CATSPERE: variants seen among roughly 807,000 people sequenced by gnomAD.
CATSPERE encodes cation channel sperm-associated auxiliary subunit epsilon.
Under a neutral mutation model 114.1 loss-of-function variants are expected in CATSPERE, and 93 were observed. The ratio of observed to expected loss-of-function variants is 0.81; its 90% confidence interval spans 0.69 to 0.97. The LOEUF is 0.97. Ranked by LOEUF, CATSPERE falls within the 50% of genes least tolerant of loss-of-function variation. The pLI is 0.00. For missense variants in CATSPERE, 1,058 were observed against 1,131.6 expected, an observed-to-expected ratio of 0.93 and a Z score of 0.93; for synonymous variants, 341 against 384.1, an observed-to-expected ratio of 0.89 and a Z score of 1.31.
At chr1:244,470,312 A>G (rs1445418920) in intron 2 of CATSPERE, among the ~76,000 whole-genome samples, 1 of 152,232 alleles carries the variant, frequency 6.6e-6, no homozygotes, top group East Asian at 1.9e-4. Context: ...TAGATATATA[A>G]AGAACTACTA....
intron 2 of CATSPERE, among the ~76,000 whole-genome samples, chr1:244,468,519 C>T (rs3003207): frequency 0.41 from 62,502 of 151,960 alleles, 13,408 homozygotes; most frequent in East Asian, 0.73. Flanking sequence ...TTTAGAAATG[C>T]AAATTGGACC....
intron 1 of CATSPERE, among the ~76,000 whole-genome samples, 199 bp downstream of exon 1, chr1:244,461,693 G>A (rs954832317): frequency 6.6e-6 from 1 of 152,134 alleles, no homozygotes. Context: ...GAGAGGGGAC[G>A]CAGTTAGCAC....
chr1:244,499,668 T>C (rs894283083), intron 7 of CATSPERE, among the ~76,000 whole-genome samples: 6 of 152,182 alleles, frequency 3.9e-5, no homozygotes, highest in Admixed American at 3.3e-4. Flanking sequence ...GCAAAGGACA[T>C]GAACTCATCC....
chr1:244,598,597 GC>G, intron 17 of CATSPERE: 1 of 351,688 alleles, frequency 2.8e-6, no homozygotes, highest in South Asian at 2.4e-5. Context: ...TGGAGATTGG[GC>G]CCAGTCTTAT....
intron 12 of CATSPERE, among the ~76,000 whole-genome samples, chr1:244,583,392 A>G (rs6429482): frequency 0.19 from 28,358 of 152,066 alleles, 3,846 homozygotes; most frequent in East Asian, 0.41. Flanking sequence ...ATATTAGACC[A>G]TTTAATGTGG....
Position 244,552,583 on chromosome 1 carries a change from C to T in CATSPERE, c.798C>T (p.Phe266=). The T allele has an allele frequency of 6.2e-7, 1 of 1,614,134 alleles. No homozygotes were observed. Among genetic ancestry groups the T allele is most frequent in the Non-Finnish European group, 8.5e-7 (1 of 1,180,026 alleles). ...AGACCTTTCACACAACTGATTCATT[C>T]AAATCTTGGACCAGAATCAGAGTGC... is the stretch of plus-strand genomic sequence containing the variant. ...DMETFHTTDS[F]KSWTRIRVPP... The change falls in exon 9 of 22, where the codon TTC becomes TTT. Residue 266 remains phenylalanine, a synonymous_variant. Transcript: ENST00000366534.
chr1:244,526,484 T>C (rs1678624252), intron 8 of CATSPERE, among the ~76,000 whole-genome samples: 1 of 151,842 alleles, frequency 6.6e-6, no homozygotes, highest in African/African-American at 2.4e-5. Flanking sequence ...GTGGGTTATA[T>C]GGCCAATTCT....
rs149597963 is a variant in CATSPERE at position 244,611,590 on chromosome 1, G to A, written c.2490+1264G>A. ...AGCCAGGGTGACACAGTGAGACCTT[G>A]TCTCAAAAAAGAAAAAAAAATCAAA... On this transcript the variant is annotated intron_variant, in intron 19 of 21. Coordinates refer to ENST00000366534, the MANE Select transcript of CATSPERE (RefSeq NM_001130957.2). Among the ~76,000 whole-genome samples, 45 of 151,768 alleles carry A rather than the reference G, an allele frequency of 3.0e-4. 1 individual carries two copies. The highest frequency in any genetic ancestry group is 1.1e-3 in the African/African-American group (44 of 41,356).
intron 5 of CATSPERE, among the ~76,000 whole-genome samples, chr1:244,488,679 C>G (rs561394148): frequency 5.3e-5 from 8 of 152,306 alleles, no homozygotes; most frequent in African/African-American, 1.7e-4. Context: ...TCCAGATACG[C>G]TGGTAACTCA....
intron 13 of CATSPERE, 105 bp downstream of exon 13, chr1:244,584,044 C>T: frequency 1.3e-6 from 1 of 778,858 alleles, no homozygotes; most frequent in Non-Finnish European, 2.1e-6. Flanking sequence ...CATGCAATAC[C>T]TCCATACAAT....
At chr1:244,560,559 A>G in intron 9 of CATSPERE, 109 bp from the exon 10 acceptor site, 1 of 616,966 alleles carries the variant, frequency 1.6e-6, no homozygotes, top group East Asian at 3.4e-5. Context: ...AACCTATTGA[A>G]AGAAAATTTA....
At position 244,504,378 on chromosome 1, in the gene CATSPERE, C is replaced by T. The variant is rs924668805; in HGVS notation, c.429+5299C>T. Among the ~76,000 whole-genome samples, 3 of 152,140 alleles carry T rather than the reference C, an allele frequency of 2.0e-5. No homozygotes were observed. The highest frequency in any genetic ancestry group is 2.0e-4 in the Admixed American group (3 of 15,266). On this transcript the variant is annotated intron_variant, in intron 7 of 21. Transcript: ENST00000366534. This position sits in a 1 kb window ranked among gnomAD's most constrained non-coding sequence, Gnocchi z 4.1. ...ACAAGGAGTTCCTGTTTATCCCACA[C>T]CTAGTTTTCTCTATTATTAATATCT... is the stretch of plus-strand genomic sequence containing the variant.
At chr1:244,462,368 A>G (rs1361920060) in intron 1 of CATSPERE, among the ~76,000 whole-genome samples, 1 of 152,202 alleles carries the variant, frequency 6.6e-6, no homozygotes. Flanking sequence ...GTTATCTGGG[A>G]CTAAATTAAT....
At chr1:244,494,464 AG>A (rs1265271547) in intron 6 of CATSPERE, among the ~76,000 whole-genome samples, 1 of 72,152 alleles carries the variant, frequency 1.4e-5, no homozygotes, top group Non-Finnish European at 2.5e-5. Flanking sequence ...GGGTGGGGGG[AG>A]GGGGGAGGGA....
chr1:244,539,892 C>T (rs898630675), intron 8 of CATSPERE, among the ~76,000 whole-genome samples: 55 of 149,834 alleles, frequency 3.7e-4, no homozygotes, highest in African/African-American at 1.3e-3. Flanking sequence ...TGCTAGTGGT[C>T]TATCAATTTT....
In CATSPERE at chr1:244,482,517, G is replaced by A. The variant is rs181051514; in HGVS notation, c.326+2733G>A. 1.5e-3 allele frequency among the ~76,000 whole-genome samples: 223 copies of A among 151,944 alleles called. 1 individual carries two copies. Among genetic ancestry groups the A allele is most frequent in the African/African-American group, 4.9e-3 (203 of 41,410 alleles). On this transcript the variant is annotated intron_variant, in intron 5 of 21. Transcript: ENST00000366534. ...CTTGTGAGGCTGAGGTAGGAGGTTC[G>A]CTTGAGCCCAGGAGTTTAAAGCTAC...
At chr1:244,459,903 C>T (rs1446448542), upstream of CATSPERE, among the ~76,000 whole-genome samples, 1 of 152,230 alleles carries the variant, frequency 6.6e-6, no homozygotes, top group Non-Finnish European at 1.5e-5. Flanking sequence ...CCACTCTTCT[C>T]ACCTTGGGGT....
At chr1:244,528,460 A>T (rs1679020150) in intron 8 of CATSPERE, among the ~76,000 whole-genome samples, 1 of 152,178 alleles carries the variant, frequency 6.6e-6, no homozygotes, top group Non-Finnish European at 1.5e-5. Flanking sequence ...TAAATAGTAC[A>T]TTGTTTAGTA....
intron 8 of CATSPERE, among the ~76,000 whole-genome samples, chr1:244,541,365 T>C (rs1209150755): frequency 6.7e-6 from 1 of 149,942 alleles, no homozygotes; most frequent in Non-Finnish European, 1.5e-5. Context: ...CAGGCACTTC[T>C]CAAAAGAAGA....
Sources: gnomAD v4.1 joint callset for allele counts (sites outside exome capture counted in the v4.1 genomes callset) on GRCh38, gnomAD v4.1.1 for gene constraint, Gnocchi (gnomAD v3.1) non-coding constraint, MANE v1.5 for transcripts, NCBI Gene and HGNC (gene_info 2026-07-23, HGNC 2026-07-21) for gene names.